PLA2R1: variants seen among roughly 807,000 people sequenced by gnomAD.
The protein encoded by PLA2R1 is secretory phospholipase A2 receptor.
A neutral mutation model predicts 195.9 loss-of-function variants in PLA2R1; 158 were observed. That is an observed-to-expected ratio of 0.81 (90% CI 0.71 to 0.92). The LOEUF (loss-of-function observed/expected upper bound fraction) is 0.92, where lower values mean the gene tolerates loss of function less well. Ranked by LOEUF, PLA2R1 falls within the 40% of genes least tolerant of loss-of-function variation. The pLI, the probability that PLA2R1 is intolerant of heterozygous loss-of-function variation, is 0.00. For synonymous variants in PLA2R1, 586 were observed against 598.2 expected (o/e 0.98, Z 0.30); for missense variants, 1,626 against 1,764.6 (o/e 0.92, Z 1.41).
chr2:159,977,961 A>C (rs555708509), intron 14 of PLA2R1, among the ~76,000 whole-genome samples: 10 of 152,068 alleles, frequency 6.6e-5, no homozygotes, highest in Non-Finnish European at 1.2e-4. Flanking sequence ...TAAAAATTAA[A>C]AAAAGGTATG....
chr2:160,042,892 G>C (rs1694631014), intron 2 of PLA2R1, among the ~76,000 whole-genome samples: 2 of 149,620 alleles, frequency 1.3e-5, no homozygotes. Flanking sequence ...TGAGAGAGAG[G>C]GAGAGATGGG....
At chr2:159,984,250 A>G (rs1690169713) in intron 12 of PLA2R1, among the ~76,000 whole-genome samples, 177 bp from the exon 13 acceptor site, 1 of 152,192 alleles carries the variant, frequency 6.6e-6, no homozygotes, top group African/African-American at 2.4e-5. Context: ...TCATAAAACT[A>G]TTAGTTCCTT....
At chr2:159,949,547 A>G in intron 25 of PLA2R1, 61 bp downstream of exon 25, 1 of 1,233,424 alleles carries the variant, frequency 8.1e-7, no homozygotes, top group Non-Finnish European at 1.2e-6. Flanking sequence ...TGCTTAGCAC[A>G]GTGTCTTGCA....
At chr2:159,997,123 G>A (rs1204185804) in intron 11 of PLA2R1, among the ~76,000 whole-genome samples, 1 of 152,126 alleles carries the variant, frequency 6.6e-6, no homozygotes, top group Non-Finnish European at 1.5e-5. Context: ...AATATATTGG[G>A]TAAAAGAAAC....
chr2:159,925,304 C>T, the PLA2R1 span, among the ~76,000 whole-genome samples: 1 of 152,000 alleles, frequency 6.6e-6, no homozygotes, highest in Non-Finnish European at 1.5e-5. Context: ...TGTAGGGGTG[C>T]GTATGTGTGT....
chr2:160,048,998 G>A (rs1240561064), intron 1 of PLA2R1, among the ~76,000 whole-genome samples: 1 of 151,514 alleles, frequency 6.6e-6, no homozygotes, highest in Non-Finnish European at 1.5e-5. Flanking sequence ...CCGCCACTAC[G>A]CCCGGCTAAT....
chr2:159,930,439 C>T (rs746516345), downstream of PLA2R1, among the ~76,000 whole-genome samples: 31 of 151,508 alleles, frequency 2.0e-4, no homozygotes, highest in Admixed American at 1.3e-4. Flanking sequence ...ACATTGGTTA[C>T]AGCGTACACT....
chr2:160,001,478 A>C (rs1365026721), intron 11 of PLA2R1, among the ~76,000 whole-genome samples: 1 of 151,988 alleles, frequency 6.6e-6, no homozygotes, highest in Admixed American at 6.6e-5. Flanking sequence ...TAATCACAAA[A>C]AATATAAGTA....
rs1299183310 is a variant in PLA2R1 at position 159,935,494 on chromosome 2, A to G, written c.*6284T>C. On this transcript the variant is annotated 3_prime_UTR_variant, in exon 30 of 30. Transcript: ENST00000283243. ...TGTTTACATCAGTATGGACACACAG[A>G]TATTTATTGTGTGGGTTATAATCCA... 1 of 152,168 alleles carries G rather than the reference A, an allele frequency of 6.6e-6. No homozygotes were observed. Among genetic ancestry groups the G allele is most frequent in the African/African-American group, 2.4e-5 (1 of 41,442 alleles). The allele number at this position is 152,168 out of a possible 1,614,324, so 9.4% of individuals were successfully genotyped here. A position where few individuals can be genotyped will look rare whatever the true frequency, so the allele number is the denominator to read the frequency against.
chr2:160,027,803 T>C (rs1439568022), intron 6 of PLA2R1, among the ~76,000 whole-genome samples: 2 of 152,206 alleles, frequency 1.3e-5, no homozygotes, highest in Admixed American at 6.5e-5. Flanking sequence ...GGTGTGTTAC[T>C]AATAAGAGAT....
chr2:160,036,680 G>C (rs1252678982), intron 3 of PLA2R1, among the ~76,000 whole-genome samples: 1 of 152,152 alleles, frequency 6.6e-6, no homozygotes, highest in Non-Finnish European at 1.5e-5. Context: ...TGGGAAGGAG[G>C]GGAATCTTGA....
Position 160,062,423 on chromosome 2 carries a change from C to A in PLA2R1, c.-20G>T, listed in dbSNP as rs1412935391. On this transcript the variant is annotated 5_prime_UTR_variant, in exon 1 of 30. Coordinates refer to ENST00000283243, the MANE Select transcript of PLA2R1 (RefSeq NM_007366.5). ...CAGCATCGCTAACCACTGGGCTCTC[C>A]GGGAGCCCCTTGTCCCGGGAGCCCC... 2.0e-6 allele frequency: 3 copies of A among 1,529,938 alleles called. No individual in the cohort carries two copies. The highest frequency in any genetic ancestry group is 2.6e-5 in the East Asian group (1 of 38,014). 94.8% of individuals were successfully genotyped at this position (1,529,938 alleles called of 1,614,324 possible). A position where few individuals can be genotyped will look rare whatever the true frequency, so the allele number is the denominator to read the frequency against.
At chr2:159,958,863 T>G (rs1243595618) in intron 20 of PLA2R1, among the ~76,000 whole-genome samples, 1 of 152,190 alleles carries the variant, frequency 6.6e-6, no homozygotes, top group Admixed American at 6.5e-5. Context: ...AAGAAAGAAT[T>G]ATCTGACCCC....
chr2:160,046,425 A>G lies in PLA2R1; in HGVS notation c.110-1268T>C, dbSNP rs570620996. 4.9e-3 allele frequency among the ~76,000 whole-genome samples: 743 copies of G among 152,326 alleles called. 6 individuals carry two copies. The highest frequency in any genetic ancestry group is 0.017 in the African/African-American group (703 of 41,572). On this transcript the variant is annotated intron_variant, in intron 1 of 29. Transcript: ENST00000283243. ...ATGTAATGGAGGGCAGAACAGGTAC[A>G]GGCAGAGGCTTTGGAGAGGTTTGGG...
At chr2:159,974,924 T>C (rs547884816) in intron 17 of PLA2R1, among the ~76,000 whole-genome samples, 1 of 152,332 alleles carries the variant, frequency 6.6e-6, no homozygotes, top group African/African-American at 2.4e-5. Flanking sequence ...AAGCCTAGGA[T>C]GCTTTAATAC....
At chr2:159,975,996 C>G in intron 17 of PLA2R1, 72 bp downstream of exon 17, 74 of 794,778 alleles carry the variant, frequency 9.3e-5, no homozygotes, top group Middle Eastern at 2.4e-4. Context: ...AAAAAACTAT[C>G]CCTCCCTCCC....
At chr2:160,009,002 C>G (rs1045224060) in intron 10 of PLA2R1, among the ~76,000 whole-genome samples, 11 of 152,172 alleles carry the variant, frequency 7.2e-5, no homozygotes, top group Admixed American at 6.5e-4. Flanking sequence ...CAGTGAAATA[C>G]CACTGCACAC....
downstream of PLA2R1, among the ~76,000 whole-genome samples, chr2:159,931,562 C>T (rs1020045569): frequency 1.3e-5 from 2 of 152,054 alleles, no homozygotes; most frequent in Admixed American, 6.5e-5. Context: ...CTACAGCTAT[C>T]TTTATTTTTG....
chr2:160,042,934 G>T (rs1287622978), intron 2 of PLA2R1, among the ~76,000 whole-genome samples: 1 of 151,690 alleles, frequency 6.6e-6, no homozygotes, highest in Non-Finnish European at 1.5e-5. Flanking sequence ...CTTTGGACAG[G>T]ATGGGCAGTG....
Sources: gnomAD v4.1 joint callset for allele counts (sites outside exome capture counted in the v4.1 genomes callset) on GRCh38, gnomAD v4.1.1 for gene constraint, MANE v1.5 for transcripts, NCBI Gene and HGNC (gene_info 2026-07-23, HGNC 2026-07-21) for gene names.